KLF9: variants seen among roughly 807,000 people sequenced by gnomAD.
The protein encoded by KLF9 is KLF transcription factor 9.
Under a neutral mutation model 17.3 loss-of-function variants are expected in KLF9, and 2 were observed. The observed-to-expected ratio is 0.12, with a 90% CI of 0.05 to 0.36. The LOEUF (loss-of-function observed/expected upper bound fraction) is 0.36, where lower values mean the gene tolerates loss of function less well. Ranked by LOEUF, KLF9 falls within the 10% of genes least tolerant of loss-of-function variation. KLF9 has a pLI of 1.00. For synonymous variants in KLF9, 138 were observed against 139.2 expected, an observed-to-expected ratio of 0.99 and a Z score of 0.06; for missense variants, 226 against 333.2, an observed-to-expected ratio of 0.68 and a Z score of 2.51.
At chr9:70,399,789 C>A (rs2037209488) in intron 1 of KLF9, among the ~76,000 whole-genome samples, 1 of 152,206 alleles carries the variant, frequency 6.6e-6, no homozygotes, top group Admixed American at 6.5e-5. Flanking sequence ...TTTTCCAATT[C>A]TCTGCCTTCC....
At chr9:70,394,024 C>CA (rs10717844) in intron 1 of KLF9, among the ~76,000 whole-genome samples, 12 of 80,508 alleles carry the variant, frequency 1.5e-4, no homozygotes, top group East Asian at 3.5e-4. Context: ...GACCCTGTCT[C>CA]AAAAAAAAAA....
At chr9:70,407,581 T>C (rs1225018368) in intron 1 of KLF9, among the ~76,000 whole-genome samples, 8 of 152,246 alleles carry the variant, frequency 5.3e-5, no homozygotes, top group Admixed American at 5.2e-4. Context: ...CGACTGTCTT[T>C]GCTAGGGCAG....
At chr9:70,393,882 C>T (rs996728636) in intron 1 of KLF9, among the ~76,000 whole-genome samples, 3 of 152,024 alleles carry the variant, frequency 2.0e-5, no homozygotes, top group African/African-American at 4.8e-5. Context: ...ATTAGCCAGG[C>T]GTAGTGGTGC....
intron 1 of KLF9, among the ~76,000 whole-genome samples, chr9:70,400,260 A>C (rs909704731): frequency 2.0e-5 from 3 of 152,170 alleles, no homozygotes; most frequent in Admixed American, 6.5e-5. Flanking sequence ...ACTGGGTCAC[A>C]GTGCAAGGAT....
intron 1 of KLF9, 92 bp from the exon 2 acceptor site, chr9:70,388,097 G>T: frequency 2.0e-6 from 2 of 986,596 alleles, no homozygotes; most frequent in Non-Finnish European, 3.1e-6. Flanking sequence ...CGACTCAAAG[G>T]ATAAATCCCT....
At chr9:70,401,127 A>G (rs1446440111) in intron 1 of KLF9, among the ~76,000 whole-genome samples, 1 of 149,384 alleles carries the variant, frequency 6.7e-6, no homozygotes, top group African/African-American at 2.5e-5. Context: ...TGAGGCCAGG[A>G]GTTCGAGACC....
chr9:70,399,559 G>A (rs992857910), intron 1 of KLF9, among the ~76,000 whole-genome samples: 8 of 152,222 alleles, frequency 5.3e-5, no homozygotes, highest in Non-Finnish European at 1.2e-4. Flanking sequence ...CAATTTTGGT[G>A]ATTTTTATCA....
At chr9:70,409,377 A>G (rs889633168) in intron 1 of KLF9, among the ~76,000 whole-genome samples, 5 of 151,450 alleles carry the variant, frequency 3.3e-5, no homozygotes, top group African/African-American at 7.3e-5. Context: ...CAAAAAGAGA[A>G]TAAGATGGCA....
intron 1 of KLF9, among the ~76,000 whole-genome samples, chr9:70,411,467 T>A (rs1888154): frequency 6.6e-6 from 1 of 152,176 alleles, no homozygotes; most frequent in African/African-American, 2.4e-5. Flanking sequence ...AGCCTTAAAA[T>A]GTGCTGTTTT....
chr9:70,406,740 T>A (rs1262174412), intron 1 of KLF9, among the ~76,000 whole-genome samples: 2 of 152,092 alleles, frequency 1.3e-5, no homozygotes, highest in Non-Finnish European at 2.9e-5. Context: ...AGGCACTAAT[T>A]TACGCTCTTC....
In KLF9 at chr9:70,409,178, A is replaced by ATGTG. The variant is rs1384836149; in HGVS notation, c.505+3680_505+3681insCACA. ...TATATATACACATATATGTATATATATGTATACATATACATGTATATGTAT... is the reference window on the plus strand; with the variant it reads ...TATATATACACATATATGTATATATATGTGTGTATACATATACATGTATATGTAT... On this transcript the variant is annotated intron_variant, in intron 1 of 1. Coordinates refer to ENST00000377126, the MANE Select transcript of KLF9 (RefSeq NM_001206.4). Among the ~76,000 whole-genome samples, 51 of 90,480 alleles carry ATGTG rather than the reference A, an allele frequency of 5.6e-4. 1 individual carries two copies. Among genetic ancestry groups the ATGTG allele is most frequent in the Middle Eastern group, 5.4e-3 (1 of 184 alleles). 59.4% of individuals were successfully genotyped at this position (90,480 alleles called of 152,430 possible). A position where few individuals can be genotyped will look rare whatever the true frequency, so the allele number is the denominator to read the frequency against.
chr9:70,392,816 G>A (rs549850383), intron 1 of KLF9, among the ~76,000 whole-genome samples: 1 of 152,228 alleles, frequency 6.6e-6, no homozygotes, highest in South Asian at 2.1e-4. Context: ...ACACAGCAAT[G>A]CAACTATCAA....
intron 1 of KLF9, among the ~76,000 whole-genome samples, chr9:70,391,293 A>C (rs1168949643): frequency 6.6e-6 from 1 of 152,236 alleles, no homozygotes; most frequent in Non-Finnish European, 1.5e-5. Context: ...TTAAGTTTCT[A>C]TGCTTGTGAC....
In KLF9 at chr9:70,413,281, C is replaced by T. The variant is rs1275709929; in HGVS notation, c.83G>A (p.Gly28Glu). The change falls in exon 1 of 2, where the codon GGG (glycine) becomes GAG (glutamate). Residue 28 changes from glycine (G) to glutamate (E), a missense_variant. Coordinates refer to ENST00000377126, the MANE Select transcript of KLF9 (RefSeq NM_001206.4). The surrounding 1 kb of genome is among the most constrained non-coding windows in gnomAD (Gnocchi z 5.6). ...CAGCCGCTCGGCGTCCGGAGCGACCCCATGCTCCGGCACCGCAGCGCGGTT... is the reference window on the plus strand; with the variant it reads ...CAGCCGCTCGGCGTCCGGAGCGACCTCATGCTCCGGCACCGCAGCGCGGTT... The part of the protein sequence containing the change: ...ISNRAAVPEH[G>E]VAPDAERLRL... 3.1e-6 allele frequency: 5 copies of T among 1,612,500 alleles called. No individual in the cohort carries two copies. In the East Asian group the frequency reaches 1.1e-4, roughly 36 times the overall value.
rs1219737586 is a variant in KLF9 at position 70,386,233 on chromosome 9, T to C, written c.*1543A>G. The C allele has an allele frequency of 6.5e-6, 1 of 152,764 alleles. No homozygotes were observed. The highest frequency in any genetic ancestry group is 2.4e-5 in the African/African-American group (1 of 41,450). The allele number at this position is 152,764 out of a possible 1,614,324, so 9.5% of individuals were successfully genotyped here. On this transcript the variant is annotated 3_prime_UTR_variant, in exon 2 of 2. Transcript: ENST00000377126. ...TGCTGACTCCCCTCATTTGAGGTCT[T>C]AACTACGAAAACTCAGTTCACTTTT... is the stretch of plus-strand genomic sequence containing the variant.
At chr9:70,409,022 GTA>G (rs778803628) in intron 1 of KLF9, among the ~76,000 whole-genome samples, 1,565 of 99,570 alleles carry the variant, frequency 0.016, 30 homozygotes, top group East Asian at 0.022. Flanking sequence ...ACACATATAT[GTA>G]TATATATATA....
At chr9:70,407,306 A>G (rs958323041) in intron 1 of KLF9, among the ~76,000 whole-genome samples, 3 of 152,164 alleles carry the variant, frequency 2.0e-5, no homozygotes, top group Non-Finnish European at 2.9e-5. Flanking sequence ...ATTTCCCTGA[A>G]TCCAAGAATT....
In KLF9 at chr9:70,387,825, T is replaced by C; in HGVS notation, c.686A>G (p.His229Arg). 6.2e-7 allele frequency: 1 copy of C among 1,613,900 alleles called. No individual in the cohort carries two copies. The highest frequency in any genetic ancestry group is 8.5e-7 in the Non-Finnish European group (1 of 1,179,972). Reference protein sequence around the residue: ...TKHARRHTEFHPSMIKRSKKA... With the variant: ...TKHARRHTEFRPSMIKRSKKA... ...TTTCGATCGCTTGATCATGCTGGGG[T>C]GGAACTCGGTGTGCCGCCGGGCGTG... Residue 229 changes from histidine (H) to arginine (R), a missense_variant, in exon 2 of 2, where the codon CAC becomes CGC. By Grantham distance (29) the His-to-Arg change is conservative. Coordinates refer to ENST00000377126, the MANE Select transcript of KLF9 (RefSeq NM_001206.4).
At position 70,387,671 on chromosome 9, in the gene KLF9, C is replaced by T; in HGVS notation, c.*105G>A. The T allele has an allele frequency of 2.2e-6, 2 of 897,872 alleles. No homozygotes were observed. 55.6% of individuals were successfully genotyped at this position (897,872 alleles called of 1,614,324 possible). A position where few individuals can be genotyped will look rare whatever the true frequency, so the allele number is the denominator to read the frequency against. ...GACCAAAGAGCAGTGACTTCCTGTGCCGTCAAGTGTGCCTCTTCTGGGGCT... is the reference window on the plus strand; with the variant it reads ...GACCAAAGAGCAGTGACTTCCTGTGTCGTCAAGTGTGCCTCTTCTGGGGCT... On this transcript the variant is annotated 3_prime_UTR_variant, in exon 2 of 2. Coordinates refer to ENST00000377126, the MANE Select transcript of KLF9 (RefSeq NM_001206.4).
Sources: allele counts gnomAD v4.1 joint callset (sites outside exome capture counted in the v4.1 genomes callset), GRCh38; gene constraint gnomAD v4.1.1; non-coding constraint Gnocchi (gnomAD v3.1); transcripts MANE v1.5; gene names NCBI Gene and HGNC (gene_info 2026-07-23, HGNC 2026-07-21).